PIK3C2G: variants seen among roughly 807,000 people sequenced by gnomAD.
PIK3C2G encodes the protein phosphatidylinositol-4-phosphate 3-kinase catalytic subunit type 2 gamma.
PIK3C2G carries 168 observed loss-of-function variants against 181.1 expected under a neutral mutation model. That is an observed-to-expected ratio of 0.93 (90% CI 0.82 to 1.05). The LOEUF is 1.05. Ranked by LOEUF, PIK3C2G falls within the 50% of genes least tolerant of loss-of-function variation. PIK3C2G has a pLI of 0.00. For synonymous variants in PIK3C2G, 573 were observed against 592.2 expected (o/e 0.97, Z 0.47); for missense variants, 1,869 against 1,732.8 (o/e 1.08, Z -1.40).
At chr12:18,400,660 A>G (rs1341440295) in intron 16 of PIK3C2G, among the ~76,000 whole-genome samples, 1 of 152,078 alleles carries the variant, frequency 6.6e-6, no homozygotes, top group Non-Finnish European at 1.5e-5. Flanking sequence ...TTAAAGATTT[A>G]TTTACCAATG....
intron 18 of PIK3C2G, among the ~76,000 whole-genome samples, chr12:18,486,696 A>G (rs762927107): frequency 1.1e-4 from 16 of 152,082 alleles, no homozygotes; most frequent in Admixed American, 2.0e-4. Context: ...TTCAAAGTGT[A>G]TGAAAGTGCT....
At chr12:18,439,112 G>A (rs1565723774) in intron 18 of PIK3C2G, among the ~76,000 whole-genome samples, 1 of 151,710 alleles carries the variant, frequency 6.6e-6, no homozygotes, top group South Asian at 2.1e-4. Context: ...TAAAATTTAA[G>A]TTTAATAACA....
At chr12:18,418,102 GA>G (rs1296588431) in intron 16 of PIK3C2G, among the ~76,000 whole-genome samples, 9 of 152,104 alleles carry the variant, frequency 5.9e-5, no homozygotes, top group Non-Finnish European at 5.9e-5. Context: ...CAATAAAAAA[GA>G]AAACATTGAA....
intron 1 of PIK3C2G, among the ~76,000 whole-genome samples, chr12:18,271,710 A>G (rs1948751831): frequency 6.6e-6 from 1 of 152,122 alleles, no homozygotes; most frequent in African/African-American, 2.4e-5. Context: ...TCTCATATTG[A>G]TATCTCTTCT....
intron 5 of PIK3C2G, among the ~76,000 whole-genome samples, chr12:18,303,171 TTC>T (rs1027389009): frequency 2.7e-5 from 4 of 148,828 alleles, no homozygotes; most frequent in South Asian, 2.1e-4. Context: ...CTTTCTTTCT[TTC>T]TCTTTCTCTC....
intron 22 of PIK3C2G, among the ~76,000 whole-genome samples, chr12:18,501,903 C>T (rs1012787566): frequency 6.6e-6 from 1 of 152,102 alleles, no homozygotes; most frequent in Non-Finnish European, 1.5e-5. Flanking sequence ...GGTAAGATGG[C>T]ATTGAAACAC....
In PIK3C2G at chr12:18,365,624, C is replaced by T. The variant is rs1424290222; in HGVS notation, c.1748+2738C>T. On this transcript the variant is annotated intron_variant, in intron 12 of 32. Transcript: ENST00000538779. ...TTGTTCTCCATGTCCTTCTCTTCTC[C>T]CAGACTGATTATGATCTTAGCCCTT... Among the ~76,000 whole-genome samples, 3 of 152,160 alleles carry T rather than the reference C, an allele frequency of 2.0e-5. No individual in the cohort carries two copies. In the South Asian group the frequency reaches 6.2e-4, roughly 32 times the overall value.
At chr12:18,632,681 C>A (rs1949401953) in intron 31 of PIK3C2G, among the ~76,000 whole-genome samples, 1 of 152,070 alleles carries the variant, frequency 6.6e-6, no homozygotes, top group Admixed American at 6.6e-5. Flanking sequence ...ACCAGGAGTA[C>A]AAATGGTGTA....
chr12:18,494,162 T>A (rs1940813554), intron 20 of PIK3C2G, among the ~76,000 whole-genome samples: 1 of 152,190 alleles, frequency 6.6e-6, no homozygotes, highest in Non-Finnish European at 1.5e-5. Flanking sequence ...AGACTCTGAT[T>A]AATTCTTCCA....
intron 18 of PIK3C2G, among the ~76,000 whole-genome samples, chr12:18,426,328 T>C (rs940267277): frequency 6.6e-6 from 1 of 152,172 alleles, no homozygotes; most frequent in Non-Finnish European, 1.5e-5. Flanking sequence ...TGATTTTTTT[T>C]TGTGATTATA....
intron 29 of PIK3C2G, among the ~76,000 whole-genome samples, chr12:18,580,312 G>A (rs1946434266): frequency 6.6e-6 from 1 of 152,162 alleles, no homozygotes; most frequent in African/African-American, 2.4e-5. Context: ...TCTCAGTACT[G>A]TTGTTCATTA....
At chr12:18,372,386 G>C (rs1193638300) in intron 13 of PIK3C2G, among the ~76,000 whole-genome samples, 1 of 151,860 alleles carries the variant, frequency 6.6e-6, no homozygotes, top group African/African-American at 2.4e-5. Context: ...TTGAATTGAG[G>C]AAAAAAACAG....
At chr12:18,604,515 G>A (rs12812415) in intron 30 of PIK3C2G, among the ~76,000 whole-genome samples, 18,390 of 152,120 alleles carry the variant, frequency 0.12, 1,239 homozygotes, top group South Asian at 0.15. Context: ...GAGAAACAAT[G>A]AATTTAAACT....
chr12:18,520,994 A>G (rs1942876784), intron 24 of PIK3C2G, among the ~76,000 whole-genome samples: 1 of 151,938 alleles, frequency 6.6e-6, no homozygotes, highest in African/African-American at 2.4e-5. Flanking sequence ...TTTAATGGTC[A>G]GGTCCCTCTT....
intron 24 of PIK3C2G, among the ~76,000 whole-genome samples, chr12:18,514,818 G>A (rs183961027): frequency 2.4e-3 from 370 of 151,918 alleles, no homozygotes; most frequent in Admixed American, 7.0e-3. Flanking sequence ...TTGTCTTCTT[G>A]TTCCGGATCT....
intron 30 of PIK3C2G, among the ~76,000 whole-genome samples, chr12:18,598,264 G>A (rs1391606484): frequency 2.0e-5 from 3 of 151,772 alleles, no homozygotes; most frequent in African/African-American, 7.3e-5. Context: ...CAAGGCTACA[G>A]TAACCAAAAC....
chr12:18,563,032 G>A, intron 27 of PIK3C2G, 140 bp downstream of exon 27: 1 of 653,072 alleles, frequency 1.5e-6, no homozygotes, highest in Admixed American at 2.9e-5. Context: ...AAGCAGAAGT[G>A]TCATTAAGAG....
intron 13 of PIK3C2G, among the ~76,000 whole-genome samples, chr12:18,374,019 A>G (rs192574389): frequency 1.4e-3 from 218 of 152,250 alleles, no homozygotes; most frequent in Admixed American, 5.2e-3. Context: ...TTCCTCCCCT[A>G]TTCAAGTTCA....
chr12:18,621,527 TATAAC>T (rs772508228), intron 31 of PIK3C2G, among the ~76,000 whole-genome samples: 123 of 151,636 alleles, frequency 8.1e-4, no homozygotes, highest in Non-Finnish European at 1.6e-3. Flanking sequence ...ATTAAATATG[TATAAC>T]ATGTTTTATA....
Sources: gnomAD v4.1 joint callset for allele counts (sites outside exome capture counted in the v4.1 genomes callset) on GRCh38, gnomAD v4.1.1 for gene constraint, MANE v1.5 for transcripts, NCBI Gene and HGNC (gene_info 2026-07-23, HGNC 2026-07-21) for gene names.